MED13: variants seen among roughly 807,000 people sequenced by gnomAD.
MED13 encodes mediator complex subunit 13.
In MED13, 23 loss-of-function variants were observed where a neutral mutation model predicts 225.2. The ratio of observed to expected loss-of-function variants is 0.10; its 90% CI spans 0.07 to 0.14. The LOEUF is 0.14. Ranked by LOEUF, MED13 falls within the 10% of genes least tolerant of loss-of-function variation. The probability of loss-of-function intolerance (pLI) is 1.00; values close to 1 mark genes in which losing one functional copy is unlikely to be tolerated. For missense variants in MED13, 2,197 were observed against 2,594.5 expected (o/e 0.85, Z 3.33); for synonymous variants, 942 against 889.2 (o/e 1.06, Z -1.06).
At position 62,010,596 on chromosome 17, in the gene MED13, C is replaced by T. The variant is rs753542454; in HGVS notation, c.1921G>A (p.Asp641Asn). The T allele has an allele frequency of 8.1e-5, 120 of 1,478,780 alleles. No homozygotes were observed. The highest frequency in any genetic ancestry group is 9.6e-5 in the Non-Finnish European group (107 of 1,113,038). 91.6% of individuals were successfully genotyped at this position (1,478,780 alleles called of 1,614,324 possible). Residue 641 changes from aspartate (D) to asparagine (N), a missense_variant, in exon 9 of 30, where the codon GAT becomes AAT. Asp to Asn is a conservative substitution (Grantham distance 23, BLOSUM62 1). Coordinates refer to ENST00000397786, the MANE Select transcript of MED13 (RefSeq NM_005121.3). The stretch of plus-strand genomic sequence containing the variant: ...TCCTGTCCAAAAGGTCCAACTGGAT[C>T]ATCCTTGAATTTATCACTTGGAAGT... ...PQLPSDKFKDDPVGPFGQESV... is the reference protein window; with the variant it reads ...PQLPSDKFKDNPVGPFGQESV...
At chr17:62,014,489 G>C (rs1230737499) in intron 8 of MED13, among the ~76,000 whole-genome samples, 1 of 151,880 alleles carries the variant, frequency 6.6e-6, no homozygotes, top group Non-Finnish European at 1.5e-5. Flanking sequence ...GCTGATTTTT[G>C]TATTTTCAGT....
At chr17:61,955,922 A>C in intron 24 of MED13, 84 bp from the exon 25 acceptor site, 1 of 1,378,304 alleles carries the variant, frequency 7.3e-7, no homozygotes, top group East Asian at 2.7e-5. Flanking sequence ...GAACCAAGTT[A>C]AAGTTAAAAT....
Position 61,946,999 on chromosome 17 carries a change from C to T in MED13, c.6310G>A (p.Val2104Met). ...LFLKASLHLHVPSVQSDELLH... is the reference protein window; with the variant it reads ...LFLKASLHLHMPSVQSDELLH... ...AGCTCGTCAGATTGCACTGAAGGCA[C>T]GTGGAGGTGCAAAGAGGCCTAAGAA... Residue 2104 changes from valine (V) to methionine (M), a missense_variant, in exon 29 of 30, where the codon GTG becomes ATG. This residue lies in a region of MED13 where 216 missense variants were observed against 388.9 expected (regional missense o/e 0.56). Coordinates refer to ENST00000397786, the MANE Select transcript of MED13 (RefSeq NM_005121.3). 5.0e-6 allele frequency: 8 copies of T among 1,613,868 alleles called. No individual in the cohort carries two copies. The highest frequency in any genetic ancestry group is 6.8e-6 in the Non-Finnish European group (8 of 1,179,896).
rs1397480798 is a variant in MED13, at chr17:62,038,427, TAA to T, written c.471-2821_471-2820del. On this transcript the variant is annotated intron_variant, in intron 3 of 29. Transcript: ENST00000397786. Reference sequence around the variant, plus strand: ...GGATTTTTCTCATGACAAAGCATTTTAAAATAATTTTAAAAATTATTTTAAAA... The same window carrying T: ...GGATTTTTCTCATGACAAAGCATTTTAATAATTTTAAAAATTATTTTAAAA... Among the ~76,000 whole-genome samples the T allele has an allele frequency of 2.6e-5, 4 of 152,230 alleles. No homozygotes were observed. The South Asian group carries it at 8.3e-4, about 32-fold the overall frequency.
At position 61,946,415 on chromosome 17, in the gene MED13, C is replaced by T. The variant is rs1296368092; in HGVS notation, c.*53G>A. The T allele has an allele frequency of 2.5e-6, 4 of 1,582,528 alleles. No homozygotes were observed. The highest frequency in any genetic ancestry group is 1.1e-5 in the South Asian group (1 of 89,742). ...AGATAATTGTAACTTAATCCTGCAG[C>T]GAAACATCCATTTTTCCTTGTTCTT... On this transcript the variant is annotated 3_prime_UTR_variant, in exon 30 of 30. Transcript: ENST00000397786.
In MED13 at chr17:61,955,525, A is replaced by G; in HGVS notation, c.5825T>C (p.Leu1942Pro). Residue 1942 changes from leucine to proline, a missense_variant, in exon 26 of 30, where the codon CTA becomes CCA. Transcript: ENST00000397786. Reference sequence around the variant, plus strand: ...ATTTAGCTGAGATGTCTGCATATTTAGAGTCGTGCTTCTTCCAAATACAGA... The same window carrying G: ...ATTTAGCTGAGATGTCTGCATATTTGGAGTCGTGCTTCTTCCAAATACAGA... ...TGSVFGRSTT[L>P]NMQTSQLNTP... 1 of 1,582,848 alleles carries G rather than the reference A, an allele frequency of 6.3e-7. No individual in the cohort carries two copies. The highest frequency in any genetic ancestry group is 8.6e-7 in the Non-Finnish European group (1 of 1,169,346).
chr17:62,020,625 C>T (rs1320030846), intron 8 of MED13, among the ~76,000 whole-genome samples: 4 of 151,364 alleles, frequency 2.6e-5, no homozygotes, highest in African/African-American at 7.3e-5. Context: ...GTGATCCTCC[C>T]GCCTTGGCCT....
intron 2 of MED13, among the ~76,000 whole-genome samples, chr17:62,060,853 C>T (rs2081033751): frequency 6.6e-6 from 1 of 151,820 alleles, no homozygotes; most frequent in Non-Finnish European, 1.5e-5. Context: ...GTGCGTGCCA[C>T]CATGCCCAGC....
chr17:61,964,774 A>G (rs960329371), intron 20 of MED13, among the ~76,000 whole-genome samples: 3 of 151,980 alleles, frequency 2.0e-5, no homozygotes, highest in African/African-American at 7.3e-5. Context: ...TGTCTCTACT[A>G]AAAATACAAA....
chr17:62,024,586 A>AT (rs2143652255), intron 8 of MED13, among the ~76,000 whole-genome samples: 1 of 152,302 alleles, frequency 6.6e-6, no homozygotes, highest in Admixed American at 6.5e-5. Flanking sequence ...CAGGTTTGTT[A>AT]TATAGGTAAA....
rs922226108 is a variant in MED13 at position 61,942,615 on chromosome 17, A to G, written c.*3853T>C. On this transcript the variant is annotated 3_prime_UTR_variant, in exon 30 of 30. Transcript: ENST00000397786. Reference sequence around the variant, plus strand: ...AATAAGACACAACAATGAAGGCTTCATGAATAATTTATTCCATTTGAAGTT... The same window carrying G: ...AATAAGACACAACAATGAAGGCTTCGTGAATAATTTATTCCATTTGAAGTT... 2.0e-5 allele frequency: 3 copies of G among 152,358 alleles called. No individual in the cohort carries two copies. The highest frequency in any genetic ancestry group is 6.6e-5 in the Admixed American group (1 of 15,258). The allele number at this position is 152,358 out of a possible 1,614,324, so 9.4% of individuals were successfully genotyped here.
chr17:61,953,245 C>T, intron 26 of MED13, 132 bp from the exon 27 acceptor site: 1 of 873,656 alleles, frequency 1.1e-6, no homozygotes, highest in Non-Finnish European at 1.7e-6. Context: ...GAGTGTCTAC[C>T]ATGTGCCAAG....
rs550495710 is a variant in MED13 at position 61,946,165 on chromosome 17, T to C, written c.*303A>G. Reference sequence around the variant, plus strand: ...GCTTTTAATATTCATTTAACATGACTGGGTACTATGGCTCATTACTTTTCA... The same window carrying C: ...GCTTTTAATATTCATTTAACATGACCGGGTACTATGGCTCATTACTTTTCA... On this transcript the variant is annotated 3_prime_UTR_variant, in exon 30 of 30. Coordinates refer to ENST00000397786, the MANE Select transcript of MED13 (RefSeq NM_005121.3). 246 of 226,626 alleles carry C rather than the reference T, an allele frequency of 1.1e-3. No individual in the cohort carries two copies. Among genetic ancestry groups the C allele is most frequent in the African/African-American group, 5.4e-3 (237 of 43,742 alleles). The allele number at this position is 226,626 out of a possible 1,614,324, so 14.0% of individuals were successfully genotyped here.
intron 16 of MED13, among the ~76,000 whole-genome samples, chr17:61,979,941 C>T (rs2080189105): frequency 6.6e-6 from 1 of 152,188 alleles, no homozygotes; most frequent in African/African-American, 2.4e-5. Flanking sequence ...GTAATCCCAG[C>T]ACTTTGGGAG....
chr17:61,964,985 A>G (rs376721309), intron 20 of MED13, 21 bp downstream of exon 20: 12 of 1,590,200 alleles, frequency 7.5e-6, no homozygotes, highest in Non-Finnish European at 1.0e-5. Context: ...TTTCTGCAAA[A>G]ATCAGTATTT....
At chr17:61,977,576 C>CG (rs1567954961) in intron 16 of MED13, among the ~76,000 whole-genome samples, 1 of 152,142 alleles carries the variant, frequency 6.6e-6, no homozygotes, top group Non-Finnish European at 1.5e-5. Context: ...CTCAGCCTCC[C>CG]GAGTAGCTGG....
chr17:61,960,552 C>T (rs2079989725), intron 23 of MED13, among the ~76,000 whole-genome samples: 1 of 152,106 alleles, frequency 6.6e-6, no homozygotes, highest in African/African-American at 2.4e-5. Flanking sequence ...TTTAAATGTT[C>T]TATAGATACT....
At chr17:62,064,009 T>C (rs766430564) in intron 1 of MED13, among the ~76,000 whole-genome samples, 6 of 152,214 alleles carry the variant, frequency 3.9e-5, no homozygotes, top group Non-Finnish European at 8.8e-5. Flanking sequence ...CAATTTAGCA[T>C]GGGCGTTAAG....
Position 61,961,672 on chromosome 17 carries a change from C to T in MED13, c.5172G>A (p.Arg1724=). The part of the protein sequence containing the change: ...LAFSAFTQCR[R]PLPTSTNVKT... ...TCACATTGGTTGATGTTGGAAGTGG[C>T]CTCCGACACTGGGTAAAGGCCGAAA... The change falls in exon 22 of 30, where the codon AGG becomes AGA. Residue 1724 remains arginine (R), a synonymous_variant. Coordinates refer to ENST00000397786, the MANE Select transcript of MED13 (RefSeq NM_005121.3). 1 of 1,614,076 alleles carries T rather than the reference C, an allele frequency of 6.2e-7. No homozygotes were observed. Among genetic ancestry groups the T allele is most frequent in the Non-Finnish European group, 8.5e-7 (1 of 1,180,012 alleles).
Sources: gnomAD v4.1 joint callset for allele counts (sites outside exome capture counted in the v4.1 genomes callset) on GRCh38, gnomAD v4.1.1 for gene constraint, gnomAD v4.1.1 regional missense constraint, MANE v1.5 for transcripts, NCBI Gene and HGNC (gene_info 2026-07-23, HGNC 2026-07-21) for gene names.